Variants in TBX15 observed in about 807,000 individuals in gnomAD.
TBX15 encodes T-box transcription factor 15.
A neutral mutation model predicts 53.9 loss-of-function variants in TBX15; 18 were observed. The ratio of observed to expected loss-of-function variants is 0.33; its 90% CI spans 0.23 to 0.49. The LOEUF is 0.49. TBX15 is among the 20% of genes least tolerant of loss of function. The probability of loss-of-function intolerance (pLI) is 0.98; values close to 1 mark genes in which losing one functional copy is unlikely to be tolerated. For missense variants in TBX15, 692 were observed against 749.5 expected, an observed-to-expected ratio of 0.92 and a Z score of 0.90; for synonymous variants, 295 against 278.0, an observed-to-expected ratio of 1.06 and a Z score of -0.61.
Position 118,884,638 on chromosome 1 carries a change from T to G in TBX15, c.*94A>C. On this transcript the variant is annotated 3_prime_UTR_variant, in exon 8 of 8. Transcript: ENST00000369429. ...AAAAAAAAAAAAACACGGTTCCTGT[T>G]TTTCAAAGACACTGGACTCCCAAAG... The G allele has an allele frequency of 6.7e-7, 1 of 1,486,368 alleles. No individual in the cohort carries two copies. The highest frequency in any genetic ancestry group is 9.1e-7 in the Non-Finnish European group (1 of 1,093,210). 92.1% of individuals were successfully genotyped at this position (1,486,368 alleles called of 1,614,324 possible).
At chr1:118,907,351 A>T (rs1475562600) in intron 6 of TBX15, among the ~76,000 whole-genome samples, 3 of 152,246 alleles carry the variant, frequency 2.0e-5, no homozygotes, top group Non-Finnish European at 4.4e-5. Flanking sequence ...AGAACCCTTC[A>T]CTACTCAGAC....
chr1:118,973,273 G>C (rs2101705236), intron 1 of TBX15, among the ~76,000 whole-genome samples: 1 of 152,248 alleles, frequency 6.6e-6, no homozygotes, highest in South Asian at 2.1e-4. Context: ...GCAGTTCAGT[G>C]CTACTTCTTT....
chr1:118,919,531 G>T (rs966642103), intron 5 of TBX15, among the ~76,000 whole-genome samples: 3 of 152,124 alleles, frequency 2.0e-5, no homozygotes, highest in Non-Finnish European at 2.9e-5. Flanking sequence ...GGAAAGAAAA[G>T]CATAACATAT....
At chr1:118,895,091 T>G (rs1325692252) in intron 7 of TBX15, among the ~76,000 whole-genome samples, 1 of 152,182 alleles carries the variant, frequency 6.6e-6, no homozygotes, top group Admixed American at 6.5e-5. Flanking sequence ...CTTACTTGTA[T>G]GACTTGATCG....
chr1:118,900,919 T>A (rs1357333335), intron 6 of TBX15, among the ~76,000 whole-genome samples: 2 of 152,024 alleles, frequency 1.3e-5, no homozygotes, highest in East Asian at 3.9e-4. Context: ...AATGGCAGAG[T>A]CTTTATTGTT....
chr1:118,947,706 A>T (rs1656390370), intron 1 of TBX15, among the ~76,000 whole-genome samples: 2 of 152,214 alleles, frequency 1.3e-5, no homozygotes, highest in Admixed American at 1.3e-4. Flanking sequence ...ATGTGCTCTA[A>T]ATACCATGCT....
chr1:118,885,525 T>A lies in TBX15; in HGVS notation c.1025-9A>T, dbSNP rs1653909902. 1.3e-6 allele frequency: 2 copies of A among 1,568,664 alleles called. No homozygotes were observed. The highest frequency in any genetic ancestry group is 1.7e-6 in the Non-Finnish European group (2 of 1,155,298). The stretch of plus-strand genomic sequence containing the variant: ...AGTGCCTGTGCTGCCTCCTGAAAAA[T>A]AAAACGTGAATACTATTGAGACAGA... On this transcript the variant is annotated splice_polypyrimidine_tract_variant and intron_variant, in intron 7 of 7. Transcript: ENST00000369429.
At chr1:118,969,289 G>C (rs952300281) in intron 1 of TBX15, among the ~76,000 whole-genome samples, 3 of 152,150 alleles carry the variant, frequency 2.0e-5, no homozygotes, top group Admixed American at 1.3e-4. Flanking sequence ...ATTATTATAG[G>C]GGTGTCAAGG....
chr1:118,896,206 G>C (rs1010569347), intron 7 of TBX15, among the ~76,000 whole-genome samples: 1 of 152,092 alleles, frequency 6.6e-6, no homozygotes, highest in African/African-American at 2.4e-5. Context: ...CCCTGTACTA[G>C]ACTGTGTCAT....
chr1:118,914,840 G>A (rs550755403), intron 5 of TBX15, among the ~76,000 whole-genome samples: 2 of 152,176 alleles, frequency 1.3e-5, no homozygotes, highest in Non-Finnish European at 2.9e-5. Flanking sequence ...TGCAGTACAT[G>A]TTATCCAGTC....
At chr1:118,950,616 G>A (rs909246277) in intron 1 of TBX15, among the ~76,000 whole-genome samples, 32 of 152,222 alleles carry the variant, frequency 2.1e-4, no homozygotes, top group African/African-American at 7.7e-4. Flanking sequence ...TGAAGTGGTA[G>A]TGGACTGAGC....
chr1:118,910,758 G>A (rs1216845762), intron 6 of TBX15, among the ~76,000 whole-genome samples: 1 of 152,156 alleles, frequency 6.6e-6, no homozygotes, highest in Non-Finnish European at 1.5e-5. Context: ...TCTATCTTTA[G>A]TAATTCATCC....
At chr1:118,889,969 G>A (rs1402180114) in intron 7 of TBX15, among the ~76,000 whole-genome samples, 1 of 152,152 alleles carries the variant, frequency 6.6e-6, no homozygotes, top group Non-Finnish European at 1.5e-5. Flanking sequence ...TCTTCTATGA[G>A]AGAAGAGTGA....
chr1:118,960,419 C>T (rs1656831737), intron 1 of TBX15, among the ~76,000 whole-genome samples: 1 of 152,184 alleles, frequency 6.6e-6, no homozygotes, highest in African/African-American at 2.4e-5. Context: ...GCCCTTGCAC[C>T]TCCATCTAAC....
intron 1 of TBX15, among the ~76,000 whole-genome samples, chr1:118,933,804 A>T (rs1016184187): frequency 3.9e-5 from 6 of 152,186 alleles, no homozygotes; most frequent in Non-Finnish European, 8.8e-5. Flanking sequence ...ACCTCCTCAG[A>T]AAAAGATTTT....
intron 1 of TBX15, among the ~76,000 whole-genome samples, chr1:118,978,892 C>G (rs1359014323): frequency 6.6e-6 from 1 of 152,168 alleles, no homozygotes; most frequent in Non-Finnish European, 1.5e-5. Context: ...ATTTCTGAAC[C>G]CAGGGAAGGC....
intron 6 of TBX15, among the ~76,000 whole-genome samples, chr1:118,905,398 C>A (rs1654781736): frequency 6.6e-6 from 1 of 152,144 alleles, no homozygotes; most frequent in Non-Finnish European, 1.5e-5. Flanking sequence ...GGCCACACAG[C>A]CAAGAGGACA....
At chr1:118,921,286 C>T (rs1218918320) in intron 5 of TBX15, among the ~76,000 whole-genome samples, 1 of 152,158 alleles carries the variant, frequency 6.6e-6, no homozygotes, top group Non-Finnish European at 1.5e-5. Context: ...GTTCATACCT[C>T]TCAAGTGTAG....
rs188188285 is a variant in TBX15, at chr1:118,935,103, C to T, written c.206-3271G>A. On this transcript the variant is annotated intron_variant, in intron 1 of 7. Coordinates refer to ENST00000369429, the MANE Select transcript of TBX15 (RefSeq NM_001330677.2). ...GCCACCCGTGGGGTAAGCAACCCTA[C>T]AAAACCCTTAAAATAGTAATCTCAG... Among the ~76,000 whole-genome samples the T allele has an allele frequency of 3.5e-4, 54 of 152,238 alleles. No homozygotes were observed. The Middle Eastern group carries it at 0.01, about 29-fold the overall frequency.
Sources: gnomAD v4.1 joint callset for allele counts (sites outside exome capture counted in the v4.1 genomes callset) on GRCh38, gnomAD v4.1.1 for gene constraint, MANE v1.5 for transcripts, NCBI Gene and HGNC (gene_info 2026-07-23, HGNC 2026-07-21) for gene names.